Variants in EPB41L3 observed in about 807,000 individuals in gnomAD.
The protein encoded by EPB41L3 is band 4.1-like protein 3.
In EPB41L3, 57 loss-of-function variants were observed where a neutral mutation model predicts 127.1. That is an observed-to-expected ratio of 0.45 (90% confidence interval 0.36 to 0.56). The LOEUF is 0.56. Ranked by LOEUF, EPB41L3 falls within the 20% of genes least tolerant of loss-of-function variation. The pLI is 0.00. For missense variants in EPB41L3, 1,273 were observed against 1,372.2 expected (o/e 0.93, Z 1.14); for synonymous variants, 572 against 549.5 (o/e 1.04, Z -0.57).
At chr18:5,455,429 T>C (rs929734151) in intron 3 of EPB41L3, among the ~76,000 whole-genome samples, 1 of 152,156 alleles carries the variant, frequency 6.6e-6, no homozygotes, top group Non-Finnish European at 1.5e-5. Flanking sequence ...TAAATACATA[T>C]TGGGTATACT....
At chr18:5,444,588 C>T (rs1174153502) in intron 4 of EPB41L3, among the ~76,000 whole-genome samples, 1 of 152,188 alleles carries the variant, frequency 6.6e-6, no homozygotes, top group Non-Finnish European at 1.5e-5. Context: ...TTGCATTAAA[C>T]ATAAAACATC....
intron 3 of EPB41L3, among the ~76,000 whole-genome samples, chr18:5,575,311 G>T (rs2094326120): frequency 6.6e-6 from 1 of 152,102 alleles, no homozygotes; most frequent in African/African-American, 2.4e-5. Flanking sequence ...TGTTGGAGGT[G>T]GGGCCTAGTG....
At chr18:5,468,158 C>T (rs891061333) in intron 3 of EPB41L3, among the ~76,000 whole-genome samples, 1 of 152,192 alleles carries the variant, frequency 6.6e-6, no homozygotes, top group African/African-American at 2.4e-5. Context: ...TTTGTGCCAA[C>T]AAGCATGGGA....
chr18:5,540,998 T>C (rs1379581268), intron 1 of EPB41L3, among the ~76,000 whole-genome samples: 6 of 145,536 alleles, frequency 4.1e-5, no homozygotes, highest in African/African-American at 1.3e-4. Context: ...GGCAGGAGAA[T>C]GGCGTGAACC....
chr18:5,451,077 G>A (rs188536111), intron 3 of EPB41L3, among the ~76,000 whole-genome samples: 20 of 152,196 alleles, frequency 1.3e-4, no homozygotes, highest in African/African-American at 4.6e-4. Flanking sequence ...ATTCTAATCC[G>A]AATCATTCCT....
At chr18:5,542,911 C>A (rs2093775558) in intron 1 of EPB41L3, among the ~76,000 whole-genome samples, 1 of 152,172 alleles carries the variant, frequency 6.6e-6, no homozygotes, top group Admixed American at 6.5e-5. Flanking sequence ...AAAAAGCAAG[C>A]CCCTGCGGCA....
rs375854348 is a variant in EPB41L3 at position 5,628,473 on chromosome 18, T to C, written c.-468+449A>G. On this transcript the variant is annotated intron_variant, in intron 1 of 21. Coordinates refer to the EPB41L3 transcript ENST00000545076. ...ACCTCCTGGCTGGGTTGGGTCCGCC[T>C]GGCCTCGCCTCGCCTCCGGGATCCT... Among the ~76,000 whole-genome samples, 459 of 152,318 alleles carry C rather than the reference T, an allele frequency of 3.0e-3. 2 individuals are homozygous for C. The highest frequency in any genetic ancestry group is 0.011 in the African/African-American group (448 of 41,590).
chr18:5,544,408 A>T (rs79413639), upstream of EPB41L3: 1 of 716,380 alleles, frequency 1.4e-6, no homozygotes, highest in Non-Finnish European at 1.7e-6. Flanking sequence ...GGACTGCAGT[A>T]TTTTTTTTTT....
At chr18:5,577,758 TA>T (rs1489461294) in intron 3 of EPB41L3, 4 of 154,486 alleles carry the variant, frequency 2.6e-5, no homozygotes, top group Non-Finnish European at 5.7e-5. Context: ...TTTTGCTTGA[TA>T]TTGAATTTTC....
At chr18:5,467,001 C>A (rs1053769727) in intron 3 of EPB41L3, among the ~76,000 whole-genome samples, 1 of 152,116 alleles carries the variant, frequency 6.6e-6, no homozygotes, top group African/African-American at 2.4e-5. Context: ...GGCAATTGAT[C>A]AGGAAAATTG....
intron 3 of EPB41L3, among the ~76,000 whole-genome samples, chr18:5,551,119 T>C (rs1469268329): frequency 6.6e-6 from 1 of 152,142 alleles, no homozygotes; most frequent in East Asian, 1.9e-4. Flanking sequence ...GAATGGGAAA[T>C]CATTAAGTCT....
intron 1 of EPB41L3, among the ~76,000 whole-genome samples, chr18:5,494,193 CT>C (rs1182799609): frequency 6.6e-6 from 1 of 152,114 alleles, no homozygotes; most frequent in Non-Finnish European, 1.5e-5. Flanking sequence ...GCACCACCCC[CT>C]GCCTGCTGCC....
chr18:5,548,129 A>G (rs2093910991), upstream of EPB41L3, among the ~76,000 whole-genome samples: 1 of 152,232 alleles, frequency 6.6e-6, no homozygotes, highest in Non-Finnish European at 1.5e-5. Context: ...AGGCACCTGA[A>G]TTGCATATCA....
Position 5,397,278 on chromosome 18 carries a change from G to A in EPB41L3, c.2621C>T (p.Ala874Val), listed in dbSNP as rs750816947. 5.6e-5 allele frequency: 91 copies of A among 1,613,746 alleles called. No individual in the cohort carries two copies. Among genetic ancestry groups the A allele is most frequent in the Middle Eastern group, 1.6e-4 (1 of 6,080 alleles). ...TGCTGCAGCATCCCCGCTGTCTCCC[G>A]CCGAGTAAGAAGCATCCCCACTCGC... is the stretch of plus-strand genomic sequence containing the variant. ...VHASGDASYS[A>V]GDSGDAAAQP... Residue 874 changes from alanine to valine, a missense_variant, in exon 18 of 23, where the codon GCG becomes GTG. Ala to Val is a moderately conservative substitution (Grantham distance 64). Around this residue, in one of 3 missense-constraint regions of EPB41L3, gnomAD observed 765 missense variants for 782.9 expected, o/e 0.98. Coordinates refer to ENST00000341928, the MANE Select transcript of EPB41L3 (RefSeq NM_012307.5). The surrounding 1 kb of genome is among the most constrained non-coding windows in gnomAD (Gnocchi z 4.1).
At chr18:5,548,641 A>T (rs1461762630), upstream of EPB41L3, among the ~76,000 whole-genome samples, 1 of 152,194 alleles carries the variant, frequency 6.6e-6, no homozygotes, top group Non-Finnish European at 1.5e-5. Flanking sequence ...CATTTCCAGT[A>T]AATTTTAGAA....
chr18:5,505,701 T>C (rs1598415461), intron 1 of EPB41L3, among the ~76,000 whole-genome samples: 2 of 101,120 alleles, frequency 2.0e-5, no homozygotes, highest in East Asian at 3.5e-4. Context: ...CCTCCACCCC[T>C]TCCCTCCACA....
chr18:5,491,080 G>T (rs2090541665), intron 1 of EPB41L3, among the ~76,000 whole-genome samples: 1 of 152,206 alleles, frequency 6.6e-6, no homozygotes, highest in Non-Finnish European at 1.5e-5. Context: ...ACTACAATGA[G>T]CTGTGGCTGT....
At chr18:5,467,032 G>A (rs1242997037) in intron 3 of EPB41L3, among the ~76,000 whole-genome samples, 1 of 152,184 alleles carries the variant, frequency 6.6e-6, no homozygotes, top group Non-Finnish European at 1.5e-5. Context: ...ACTAGATGGT[G>A]CAACTTGTTT....
At chr18:5,522,789 T>C (rs1568490547) in intron 1 of EPB41L3, among the ~76,000 whole-genome samples, 2 of 152,184 alleles carry the variant, frequency 1.3e-5, no homozygotes, top group East Asian at 1.9e-4. Flanking sequence ...AAGCAACAGA[T>C]ACAAAATAAC....
Sources: allele counts gnomAD v4.1 joint callset (sites outside exome capture counted in the v4.1 genomes callset), GRCh38; gene constraint gnomAD v4.1.1; regional missense constraint gnomAD v4.1.1; non-coding constraint Gnocchi (gnomAD v3.1); transcripts MANE v1.5; gene names NCBI Gene and HGNC (gene_info 2026-07-23, HGNC 2026-07-21).